The following CACNA2D4 variants were observed in gnomAD, a reference collection of about 807,000 sequenced individuals.
CACNA2D4 encodes the protein voltage-dependent calcium channel subunit alpha-2/delta-4.
CACNA2D4 carries 157 observed loss-of-function variants against 163.8 expected under a neutral mutation model. The ratio of observed to expected loss-of-function variants is 0.96; its 90% CI spans 0.84 to 1.09. CACNA2D4 has a LOEUF of 1.09. Ranked by LOEUF, CACNA2D4 falls within the 50% of genes least tolerant of loss-of-function variation. The pLI is 0.00. For synonymous variants in CACNA2D4, 598 were observed against 586.9 expected (o/e 1.02, Z -0.27); for missense variants, 1,410 against 1,479.9 (o/e 0.95, Z 0.78).
chr12:1,830,290 T>G (rs1864563183), intron 26 of CACNA2D4, among the ~76,000 whole-genome samples: 1 of 152,246 alleles, frequency 6.6e-6, no homozygotes, highest in Non-Finnish European at 1.5e-5. Flanking sequence ...TAAATCCTCA[T>G]GCCAAACTGC....
rs146521480 is a variant in CACNA2D4 at position 1,834,961 on chromosome 12, G to T, written c.2551+5778C>A. The T allele has an allele frequency of 5.8e-6, 4 of 692,778 alleles. No homozygotes were observed. The highest frequency in any genetic ancestry group is 4.6e-6 in the Non-Finnish European group (2 of 437,872). 42.9% of individuals were successfully genotyped at this position (692,778 alleles called of 1,614,324 possible). ...GGGCCAGTAAATCTTTGGAACATGTGGGGGATCTCCCTAAGCTCTGGCCAC... is the reference window on the plus strand; with the variant it reads ...GGGCCAGTAAATCTTTGGAACATGTTGGGGATCTCCCTAAGCTCTGGCCAC... On this transcript the variant is annotated intron_variant, in intron 26 of 37. Transcript: ENST00000382722. This position sits in a 1 kb window ranked among gnomAD's most constrained non-coding sequence, Gnocchi z 7.6.
intron 29 of CACNA2D4, among the ~76,000 whole-genome samples, chr12:1,807,585 G>A (rs563509116): frequency 1.3e-5 from 2 of 152,100 alleles, no homozygotes; most frequent in East Asian, 1.9e-4. Flanking sequence ...CAGACTCTCC[G>A]CCGCCCTGTC....
At chr12:1,809,063 G>C (rs569958341) in intron 29 of CACNA2D4, among the ~76,000 whole-genome samples, 11 of 152,370 alleles carry the variant, frequency 7.2e-5, no homozygotes, top group African/African-American at 2.6e-4. Flanking sequence ...GAGAACTGCT[G>C]CTCGTTAAGT....
At chr12:1,908,400 G>A (rs1866720473) in intron 4 of CACNA2D4, among the ~76,000 whole-genome samples, 2 of 152,192 alleles carry the variant, frequency 1.3e-5, no homozygotes, top group Admixed American at 1.3e-4. Flanking sequence ...ACTTCTCGCA[G>A]GCCAGGAAGG....
At chr12:1,814,049 T>C (rs1007072869) in intron 26 of CACNA2D4, among the ~76,000 whole-genome samples, 5 of 152,202 alleles carry the variant, frequency 3.3e-5, no homozygotes, top group Non-Finnish European at 7.3e-5. Flanking sequence ...TCAGAGCGAA[T>C]CACGCTACTG....
chr12:1,794,935 A>G (rs1863067233), intron 37 of CACNA2D4: 1 of 430,148 alleles, frequency 2.3e-6, no homozygotes, highest in Non-Finnish European at 4.1e-6. Context: ...TAGGGCCCCC[A>G]GCCACCAGTC....
chr12:1,881,364 C>T (rs1490493436), intron 13 of CACNA2D4, among the ~76,000 whole-genome samples: 11 of 152,230 alleles, frequency 7.2e-5, no homozygotes, highest in Non-Finnish European at 1.6e-4. Flanking sequence ...CCACCTTCTG[C>T]CAAACTCACA....
chr12:1,821,895 G>T (rs1864119475), intron 26 of CACNA2D4, among the ~76,000 whole-genome samples: 1 of 152,060 alleles, frequency 6.6e-6, no homozygotes, highest in Non-Finnish European at 1.5e-5. Flanking sequence ...GGGCTACTTG[G>T]GCAGTGTCTC....
chr12:1,857,624 T>C (rs1865429404), intron 20 of CACNA2D4, among the ~76,000 whole-genome samples: 1 of 152,110 alleles, frequency 6.6e-6, no homozygotes, highest in Non-Finnish European at 1.5e-5. Context: ...CTGTGACCCC[T>C]GAGATAGGTT....
rs1158232995 is a variant in CACNA2D4, at chr12:1,828,200, T to C, written c.2551+12539A>G. The C allele has an allele frequency of 2.6e-6, 4 of 1,546,430 alleles. No homozygotes were observed. The highest frequency in any genetic ancestry group is 3.5e-6 in the Non-Finnish European group (4 of 1,145,222). Reference sequence around the variant, plus strand: ...GCAGAGGGGCAGGCTCGCCCTGCAGTGGAGGCAAGTCTCCTGTGAGTACAC... The same window carrying C: ...GCAGAGGGGCAGGCTCGCCCTGCAGCGGAGGCAAGTCTCCTGTGAGTACAC... On this transcript the variant is annotated intron_variant, in intron 26 of 37. Transcript: ENST00000382722. The surrounding 1 kb of genome is among the most constrained non-coding windows in gnomAD (Gnocchi z 4.2).
Position 1,914,978 on chromosome 12 carries a change from G to A in CACNA2D4, c.228-43C>T, listed in dbSNP as rs371458630. 6.7e-5 allele frequency: 95 copies of A among 1,410,846 alleles called. No homozygotes were observed. The African/African-American group carries it at 7.3e-4, about 11-fold the overall frequency. 87.4% of individuals were successfully genotyped at this position (1,410,846 alleles called of 1,614,324 possible). A position where few individuals can be genotyped will look rare whatever the true frequency, so the allele number is the denominator to read the frequency against. On this transcript the variant is annotated intron_variant, in intron 1 of 37. Transcript: ENST00000382722. ...GACACGCGTATACACACACGTACAC[G>A]CACAAATACAGAAACACACGCGTAG...
Position 1,840,829 on chromosome 12 carries a change from CAG to C in CACNA2D4, c.2471-12_2471-11del, listed in dbSNP as rs1865005593. On this transcript the variant is annotated splice_polypyrimidine_tract_variant and intron_variant, in intron 25 of 37. Transcript: ENST00000382722. Reference sequence around the variant, plus strand: ...GGTTCACCCGCACTTTCTGGGGAAACAGAGACAACCCAGTCATGGGGAAGAGC... The same window carrying C: ...GGTTCACCCGCACTTTCTGGGGAAACAGACAACCCAGTCATGGGGAAGAGC... The C allele has an allele frequency of 2.6e-6, 4 of 1,556,912 alleles. No individual in the cohort carries two copies. The highest frequency in any genetic ancestry group is 4.7e-5 in the East Asian group (2 of 42,566).
At chr12:1,896,102 A>C (rs1045869276) in intron 6 of CACNA2D4, among the ~76,000 whole-genome samples, 6 of 152,230 alleles carry the variant, frequency 3.9e-5, no homozygotes, top group Non-Finnish European at 8.8e-5. Context: ...TGGATTAAAG[A>C]CTTAAATGTA....
In CACNA2D4 at chr12:1,828,084, G is replaced by C; in HGVS notation, c.2551+12655C>G. ...GCTCCTCCCTCCCTCAGGACTGACA[G>C]GCGGCGCACCCAGGGGCTCCTCTCT... is the stretch of plus-strand genomic sequence containing the variant. On this transcript the variant is annotated intron_variant, in intron 26 of 37. Coordinates refer to ENST00000382722, the MANE Select transcript of CACNA2D4 (RefSeq NM_172364.5). This position sits in a 1 kb window ranked among gnomAD's most constrained non-coding sequence, Gnocchi z 4.2. 7.0e-7 allele frequency: 1 copy of C among 1,431,886 alleles called. No individual in the cohort carries two copies. The highest frequency in any genetic ancestry group is 9.3e-7 in the Non-Finnish European group (1 of 1,080,256). The allele number at this position is 1,431,886 out of a possible 1,614,324, so 88.7% of individuals were successfully genotyped here.
Position 1,918,545 on chromosome 12 carries a change from G to A in CACNA2D4, c.-72C>T, listed in dbSNP as rs73595529. On this transcript the variant is annotated 5_prime_UTR_variant, in exon 1 of 38. Coordinates refer to ENST00000382722, the MANE Select transcript of CACNA2D4 (RefSeq NM_172364.5). ...TGTCTTCCGTGCCTTGGCGAGCCTG[G>A]GGTCTCCAGCCTCTCAGTCCTGGGT... 2.3e-3 allele frequency: 2,824 copies of A among 1,233,992 alleles called. 45 individuals carry two copies. The African/African-American group carries it at 0.036, about 16-fold the overall frequency. 76.4% of individuals were successfully genotyped at this position (1,233,992 alleles called of 1,614,324 possible).
intron 26 of CACNA2D4, among the ~76,000 whole-genome samples, chr12:1,827,125 C>T (rs1288820399): frequency 6.6e-6 from 1 of 152,300 alleles, no homozygotes; most frequent in East Asian, 1.9e-4. Flanking sequence ...ATCCTCCCTC[C>T]CTCCCTGCCC....
At position 1,834,941 on chromosome 12, in the gene CACNA2D4, A is replaced by G. The variant is rs1864792820; in HGVS notation, c.2551+5798T>C. 4.9e-6 allele frequency: 4 copies of G among 821,508 alleles called. No homozygotes were observed. The highest frequency in any genetic ancestry group is 3.6e-6 in the Non-Finnish European group (2 of 550,580). 50.9% of individuals were successfully genotyped at this position (821,508 alleles called of 1,614,324 possible). A position where few individuals can be genotyped will look rare whatever the true frequency, so the allele number is the denominator to read the frequency against. ...TCCTGCTGATGCTCCTGTCTGGGCC[A>G]GTAAATCTTTGGAACATGTGGGGGA... On this transcript the variant is annotated intron_variant, in intron 26 of 37. Coordinates refer to ENST00000382722, the MANE Select transcript of CACNA2D4 (RefSeq NM_172364.5). This position sits in a 1 kb window ranked among gnomAD's most constrained non-coding sequence, Gnocchi z 7.6.
At chr12:1,860,740 C>T (rs1409689311) in intron 18 of CACNA2D4, among the ~76,000 whole-genome samples, 1 of 152,174 alleles carries the variant, frequency 6.6e-6, no homozygotes, top group Non-Finnish European at 1.5e-5. Flanking sequence ...ATTCTCCCTC[C>T]ACTGTCATCC....
Position 1,833,047 on chromosome 12 carries a change from T to G in CACNA2D4, c.2551+7692A>C, listed in dbSNP as rs1000403761. Among the ~76,000 whole-genome samples the G allele has an allele frequency of 2.0e-5, 3 of 152,024 alleles. No individual in the cohort carries two copies. The highest frequency in any genetic ancestry group is 4.4e-5 in the Non-Finnish European group (3 of 67,990). On this transcript the variant is annotated intron_variant, in intron 26 of 37. Transcript: ENST00000382722. This position sits in a 1 kb window ranked among gnomAD's most constrained non-coding sequence, Gnocchi z 4.2. ...AACTAGGCCGGGTGTCTTCAGACCC[T>G]CCTCTCCTGTGGTCGCCGGGAACTG...
Sources: gnomAD v4.1 joint callset for allele counts (sites outside exome capture counted in the v4.1 genomes callset) on GRCh38, gnomAD v4.1.1 for gene constraint, Gnocchi (gnomAD v3.1) non-coding constraint, MANE v1.5 for transcripts, NCBI Gene and HGNC (gene_info 2026-07-23, HGNC 2026-07-21) for gene names.